Variants in FAM81A observed in about 807,000 individuals in gnomAD.
The protein encoded by FAM81A is family with sequence similarity 81 member A.
A neutral mutation model predicts 46.7 loss-of-function variants in FAM81A; 19 were observed. The ratio of observed to expected loss-of-function variants is 0.41; its 90% CI spans 0.28 to 0.60. The LOEUF (loss-of-function observed/expected upper bound fraction) is 0.60, where lower values mean the gene tolerates loss of function less well. Among genes scored for constraint, FAM81A ranks in the 20% least tolerant of loss-of-function variants. The pLI, the probability that FAM81A is intolerant of heterozygous loss-of-function variation, is 0.34. For missense variants in FAM81A, 377 were observed against 453.5 expected (o/e 0.83, Z 1.53); for synonymous variants, 183 against 152.9 (o/e 1.20, Z -1.45).
intron 3 of FAM81A, among the ~76,000 whole-genome samples, chr15:59,471,829 CAT>C (rs1389189083): frequency 6.6e-6 from 1 of 152,120 alleles, no homozygotes; most frequent in Non-Finnish European, 1.5e-5. Context: ...GAGATTCTCA[CAT>C]GTTTACTAAG....
chr15:59,399,832 C>T (rs759349069), intron 1 of FAM81A, among the ~76,000 whole-genome samples: 2 of 152,156 alleles, frequency 1.3e-5, no homozygotes, highest in African/African-American at 2.4e-5. Flanking sequence ...CCACTCCCTC[C>T]AGGGCAGGAG....
At chr15:59,473,765 G>A (rs995675192) in intron 3 of FAM81A, among the ~76,000 whole-genome samples, 6 of 152,274 alleles carry the variant, frequency 3.9e-5, no homozygotes, top group African/African-American at 1.4e-4. Context: ...TAGTGTTTTA[G>A]CTGCAACTGT....
intron 2 of FAM81A, among the ~76,000 whole-genome samples, chr15:59,421,419 G>A (rs1261027722): frequency 6.6e-6 from 1 of 152,164 alleles, no homozygotes; most frequent in African/African-American, 2.4e-5. Context: ...AAAATGGGCA[G>A]CTTAGCGTAT....
At chr15:59,412,569 A>T (rs530579169) in intron 2 of FAM81A, among the ~76,000 whole-genome samples, 10 of 152,246 alleles carry the variant, frequency 6.6e-5, no homozygotes, top group African/African-American at 2.2e-4. Flanking sequence ...CTACAAAAAA[A>T]TACAAAAATT....
chr15:59,516,517 G>T, intron 7 of FAM81A, 128 bp from the exon 8 acceptor site: 1 of 865,736 alleles, frequency 1.2e-6, no homozygotes, highest in East Asian at 2.8e-5. Flanking sequence ...GGATATTATG[G>T]TGGGCAACAA....
chr15:59,432,401 T>C (rs964196204), intron 2 of FAM81A, among the ~76,000 whole-genome samples: 1 of 152,254 alleles, frequency 6.6e-6, no homozygotes, highest in Non-Finnish European at 1.5e-5. Context: ...CATTCTTTGA[T>C]ATGTGCTGTC....
chr15:59,414,644 C>G (rs2141543416), intron 2 of FAM81A, among the ~76,000 whole-genome samples: 1 of 151,806 alleles, frequency 6.6e-6, no homozygotes, highest in Non-Finnish European at 1.5e-5. Context: ...CTGGTGACAA[C>G]TGAGTTCTTT....
At chr15:59,401,390 G>A (rs957559603) in intron 1 of FAM81A, 9 of 790,238 alleles carry the variant, frequency 1.1e-5, no homozygotes, top group Middle Eastern at 2.3e-4. Flanking sequence ...CAGTGGGGAC[G>A]ACGGGTTCTT....
At chr15:59,472,607 G>T (rs1313291601) in intron 3 of FAM81A, among the ~76,000 whole-genome samples, 1 of 150,864 alleles carries the variant, frequency 6.6e-6, no homozygotes, top group African/African-American at 2.4e-5. Flanking sequence ...TGGCTGTGCA[G>T]TGGTATGATC....
chr15:59,428,420 T>C (rs1381001808), intron 2 of FAM81A, among the ~76,000 whole-genome samples: 1 of 8,590 alleles, frequency 1.2e-4, no homozygotes, highest in Non-Finnish European at 3.8e-4. Context: ...TTGATATTAT[T>C]ATTATTATTA....
At chr15:59,449,617 T>C (rs2081391929) in intron 1 of FAM81A, among the ~76,000 whole-genome samples, 1 of 151,698 alleles carries the variant, frequency 6.6e-6, no homozygotes, top group East Asian at 1.9e-4. Context: ...CCGTCTCTAC[T>C]AAAAAACACA....
At chr15:59,422,421 T>C (rs1386816189) in intron 2 of FAM81A, among the ~76,000 whole-genome samples, 8 of 152,106 alleles carry the variant, frequency 5.3e-5, no homozygotes, top group Non-Finnish European at 1.2e-4. Context: ...AAGTGTTCTA[T>C]TCAGGGGTGT....
At chr15:59,400,376 C>T (rs2081065171) in intron 1 of FAM81A, among the ~76,000 whole-genome samples, 1 of 152,126 alleles carries the variant, frequency 6.6e-6, no homozygotes, top group Non-Finnish European at 1.5e-5. Flanking sequence ...GTCCACTGCA[C>T]CCCGCACACT....
chr15:59,420,166 G>A (rs1311381511), intron 2 of FAM81A, among the ~76,000 whole-genome samples: 1 of 152,186 alleles, frequency 6.6e-6, no homozygotes, highest in African/African-American at 2.4e-5. Context: ...TTCCTGCTAG[G>A]AAATTACAAT....
chr15:59,407,849 A>G lies in FAM81A; in HGVS notation c.-78+5491A>G, dbSNP rs1358836764. 2.6e-5 allele frequency: 6 copies of G among 229,340 alleles called. No individual in the cohort carries two copies. The East Asian group carries it at 7.4e-4, about 28-fold the overall frequency. The allele number at this position is 229,340 out of a possible 1,614,324, so 14.2% of individuals were successfully genotyped here. On this transcript the variant is annotated intron_variant, in intron 2 of 4. Coordinates refer to the FAM81A transcript ENST00000558348. ...TCTTGCTTTGTCTCTGGTCTGTACT[A>G]GTGGGCCAGCTTATGTATTACAGTT... is the stretch of plus-strand genomic sequence containing the variant.
At chr15:59,476,087 G>A (rs2081763365) in intron 3 of FAM81A, among the ~76,000 whole-genome samples, 1 of 152,222 alleles carries the variant, frequency 6.6e-6, no homozygotes, top group South Asian at 2.1e-4. Flanking sequence ...TTGCATGGCA[G>A]AAAGTAGAGA....
chr15:59,481,865 A>C (rs11857953), intron 3 of FAM81A, among the ~76,000 whole-genome samples: 10,589 of 151,710 alleles, frequency 0.07, 403 homozygotes, highest in African/African-American at 0.09. Context: ...CAAGCAGAAG[A>C]TGCTGAAACC....
intron 4 of FAM81A, among the ~76,000 whole-genome samples, chr15:59,493,002 T>C (rs1390187415): frequency 6.6e-6 from 1 of 152,196 alleles, no homozygotes. Flanking sequence ...GGACTGTGTC[T>C]AGGGCTATTT....
At position 59,521,618 on chromosome 15, in the gene FAM81A, C is replaced by T. The variant is rs1261238538; in HGVS notation, c.*240C>T. The T allele has an allele frequency of 4.8e-5, 18 of 376,124 alleles. No homozygotes were observed. The highest frequency in any genetic ancestry group is 8.3e-5 in the African/African-American group (4 of 47,940). The allele number at this position is 376,124 out of a possible 1,614,324, so 23.3% of individuals were successfully genotyped here. On this transcript the variant is annotated 3_prime_UTR_variant, in exon 9 of 9. Coordinates refer to ENST00000288228, the MANE Select transcript of FAM81A (RefSeq NM_152450.3). Reference sequence around the variant, plus strand: ...TTCTCTAAATTCAATGGAAATCCCCCGCCCTGGATTTTGAAAGGCTTTTAT... The same window carrying T: ...TTCTCTAAATTCAATGGAAATCCCCTGCCCTGGATTTTGAAAGGCTTTTAT...
Sources: gnomAD v4.1 joint callset for allele counts (sites outside exome capture counted in the v4.1 genomes callset) on GRCh38, gnomAD v4.1.1 for gene constraint, MANE v1.5 for transcripts, NCBI Gene and HGNC (gene_info 2026-07-23, HGNC 2026-07-21) for gene names.